Variants in SAMMSON observed in about 807,000 individuals in gnomAD.
SAMMSON encodes long intergenic non-protein coding RNA 1212.
At chr3:70,379,047 T>G (rs1011222283) in intron 9 of SAMMSON, among the ~76,000 whole-genome samples, 2 of 151,674 alleles carry the variant, frequency 1.3e-5, no homozygotes, top group African/African-American at 4.8e-5. Context: ...GGAGTCTCAC[T>G]CTGTCGCCCA....
At chr3:70,145,052 C>G (rs2067542236) in intron 4 of SAMMSON, among the ~76,000 whole-genome samples, 1 of 152,090 alleles carries the variant, frequency 6.6e-6, no homozygotes, top group African/African-American at 2.4e-5. Context: ...CATCTTTCTC[C>G]CCTTACCTCC....
At position 70,208,221 on chromosome 3, in the gene SAMMSON, T is replaced by C. The variant is rs1437667200; in HGVS notation, n.508-40886T>C. Among the ~76,000 whole-genome samples, 12 of 152,234 alleles carry C rather than the reference T, an allele frequency of 7.9e-5. 2 individuals carry two copies. The South Asian group carries it at 1.7e-3, about 21-fold the overall frequency. On this transcript the variant is annotated intron_variant and non_coding_transcript_variant, in intron 4 of 9. Coordinates refer to ENST00000642114, the Ensembl canonical transcript of SAMMSON. ...ACTGGGACGTGGTCAAGAGGTGTCC[T>C]TGGGAATTGCATTCCCATTGTTAAC... is the stretch of plus-strand genomic sequence containing the variant.
At chr3:70,389,686 G>GTT (rs1701027980) in exon 10 of SAMMSON, 1 of 152,084 alleles carries the variant, frequency 6.6e-6, no homozygotes, top group African/African-American at 2.4e-5. Flanking sequence ...AAGACTGGTC[G>GTT]TTTTTTCTGG....
chr3:70,207,827 T>C (rs938976346), intron 4 of SAMMSON, among the ~76,000 whole-genome samples: 6 of 151,936 alleles, frequency 3.9e-5, no homozygotes, highest in Admixed American at 2.6e-4. Flanking sequence ...CATCTGAAAA[T>C]TTCGATATCT....
At chr3:70,083,957 G>A (rs1236228128) in intron 4 of SAMMSON, among the ~76,000 whole-genome samples, 1 of 152,124 alleles carries the variant, frequency 6.6e-6, no homozygotes, top group African/African-American at 2.4e-5. Flanking sequence ...GTGGAGATGA[G>A]TAGCACTTAC....
chr3:70,346,737 A>C (rs1702754107), intron 7 of SAMMSON, among the ~76,000 whole-genome samples: 1 of 152,168 alleles, frequency 6.6e-6, no homozygotes, highest in Non-Finnish European at 1.5e-5. Flanking sequence ...TATAATTTCT[A>C]ATTCTAAAAT....
chr3:70,391,273 T>C (rs1055643867), downstream of SAMMSON, among the ~76,000 whole-genome samples: 5 of 152,172 alleles, frequency 3.3e-5, no homozygotes, highest in African/African-American at 1.2e-4. Flanking sequence ...AATGGATAAA[T>C]GAGTAGAATA....
intron 6 of SAMMSON, among the ~76,000 whole-genome samples, chr3:70,274,284 C>G (rs1363769340): frequency 6.6e-6 from 1 of 151,860 alleles, no homozygotes. Flanking sequence ...TATTTTAGAG[C>G]TTTTGATTGC....
At chr3:70,238,908 C>T (rs897563017) in intron 4 of SAMMSON, among the ~76,000 whole-genome samples, 2 of 152,184 alleles carry the variant, frequency 1.3e-5, no homozygotes, top group East Asian at 3.8e-4. Context: ...TTCTTCCCAT[C>T]TCTTTTTAGA....
chr3:70,209,434 G>A (rs767941803), intron 4 of SAMMSON, among the ~76,000 whole-genome samples: 6 of 151,928 alleles, frequency 3.9e-5, no homozygotes, highest in Non-Finnish European at 5.9e-5. Context: ...CTATGTTACC[G>A]CTTATATACC....
intron 4 of SAMMSON, among the ~76,000 whole-genome samples, chr3:70,171,004 A>G (rs1405991630): frequency 2.0e-5 from 3 of 151,910 alleles, no homozygotes; most frequent in Non-Finnish European, 4.4e-5. Flanking sequence ...TTCAGCTTCT[A>G]GAAACATATG....
At chr3:70,117,110 G>A (rs867311435) in intron 4 of SAMMSON, among the ~76,000 whole-genome samples, 1 of 152,150 alleles carries the variant, frequency 6.6e-6, no homozygotes. Flanking sequence ...TAAAATGATG[G>A]TGTACACCCT....
intron 8 of SAMMSON, among the ~76,000 whole-genome samples, chr3:70,356,225 A>G (rs953049339): frequency 2.0e-4 from 30 of 152,158 alleles, no homozygotes; most frequent in African/African-American, 7.2e-4. Flanking sequence ...AGATTATAAA[A>G]TAGTATACAT....
intron 2 of SAMMSON, among the ~76,000 whole-genome samples, chr3:70,415,793 A>G (rs1575644795): frequency 6.6e-6 from 1 of 152,188 alleles, no homozygotes; most frequent in Non-Finnish European, 1.5e-5. Flanking sequence ...GCTAATTACC[A>G]AATGTTCTGA....
chr3:70,237,963 A>G (rs1396380180), intron 4 of SAMMSON, among the ~76,000 whole-genome samples: 1 of 119,024 alleles, frequency 8.4e-6, no homozygotes, highest in East Asian at 2.4e-4. Context: ...GGGAAAAGAA[A>G]CTAATTGAGT....
intron 7 of SAMMSON, among the ~76,000 whole-genome samples, chr3:70,311,001 T>A (rs1339710082): frequency 6.6e-6 from 1 of 152,224 alleles, no homozygotes; most frequent in Non-Finnish European, 1.5e-5. Context: ...AGGGTTGTCA[T>A]GATGATTCAG....
At chr3:70,126,096 AT>A in intron 4 of SAMMSON, 2 of 1,242,038 alleles carry the variant, frequency 1.6e-6, no homozygotes, top group African/African-American at 1.4e-5. Flanking sequence ...TTGCCAAAGC[AT>A]TTACTCTGTT....
At chr3:70,303,300 C>T (rs867882105) in intron 7 of SAMMSON, among the ~76,000 whole-genome samples, 1 of 152,130 alleles carries the variant, frequency 6.6e-6, no homozygotes, top group Admixed American at 6.5e-5. Flanking sequence ...CATTATGGTG[C>T]TGGCAGTCAA....
intron 6 of SAMMSON, among the ~76,000 whole-genome samples, chr3:70,256,490 A>G (rs1701817542): frequency 6.6e-6 from 1 of 152,216 alleles, no homozygotes; most frequent in South Asian, 2.1e-4. Context: ...TCAGGACCTC[A>G]TTTAGTTCAT....
Sources: allele counts gnomAD v4.1 joint callset (sites outside exome capture counted in the v4.1 genomes callset), GRCh38; gene constraint gnomAD v4.1.1; transcripts MANE v1.5; gene names NCBI Gene and HGNC (gene_info 2026-07-23, HGNC 2026-07-21).